Variants in GPC5 observed in about 807,000 individuals in gnomAD.
The protein encoded by GPC5 is glypican 5.
In GPC5, 47 loss-of-function variants were observed where a neutral mutation model predicts 53.9. That is an observed-to-expected ratio of 0.87 (90% CI 0.69 to 1.11). The LOEUF is 1.11. Ranked by LOEUF, GPC5 falls within the 50% of genes most tolerant of loss-of-function variation. The pLI is 0.00. For missense variants in GPC5, 748 were observed against 713.1 expected, an observed-to-expected ratio of 1.05 and a Z score of -0.56; for synonymous variants, 286 against 263.3, an observed-to-expected ratio of 1.09 and a Z score of -0.84.
chr13:91,904,490 TTGG>T (rs1177031032), intron 5 of GPC5, among the ~76,000 whole-genome samples: 1 of 152,086 alleles, frequency 6.6e-6, no homozygotes, highest in Non-Finnish European at 1.5e-5. Context: ...TTGATACTTA[TTGG>T]TGGTTGTATT....
chr13:92,125,071 C>T (rs528736615), intron 6 of GPC5, among the ~76,000 whole-genome samples: 3 of 152,294 alleles, frequency 2.0e-5, no homozygotes, highest in African/African-American at 7.2e-5. Flanking sequence ...CTTGCCCTCT[C>T]GCTTGCTTGC....
intron 2 of GPC5, among the ~76,000 whole-genome samples, chr13:91,585,753 G>A (rs1303281937): frequency 6.6e-6 from 1 of 152,114 alleles, no homozygotes; most frequent in African/African-American, 2.4e-5. Flanking sequence ...TTAAAAATTA[G>A]AATATGCACA....
intron 7 of GPC5, among the ~76,000 whole-genome samples, chr13:92,496,465 A>G (rs749743618): frequency 7.2e-5 from 11 of 152,174 alleles, no homozygotes; most frequent in Non-Finnish European, 1.2e-4. Context: ...TGCAAGGTAA[A>G]TCAGGACCTA....
chr13:91,680,368 G>T (rs902625221), intron 2 of GPC5, among the ~76,000 whole-genome samples: 3 of 152,206 alleles, frequency 2.0e-5, no homozygotes, highest in Non-Finnish European at 2.9e-5. Flanking sequence ...AGAATCACTT[G>T]AACCAGGGAG....
At chr13:91,652,581 C>T (rs1019801077) in intron 2 of GPC5, among the ~76,000 whole-genome samples, 1 of 152,110 alleles carries the variant, frequency 6.6e-6, no homozygotes, top group Non-Finnish European at 1.5e-5. Flanking sequence ...ATATACAGCA[C>T]AAAGGGATGA....
At chr13:91,988,056 G>GAATACTATATATAGTATTCTTCAT (rs2040425065) in intron 6 of GPC5, among the ~76,000 whole-genome samples, 1 of 145,934 alleles carries the variant, frequency 6.9e-6, no homozygotes, top group African/African-American at 2.5e-5. Context: ...TATATATGAG[G>GAATACTATATATAGTATTCTTCAT]AATACTATAT....
intron 7 of GPC5, among the ~76,000 whole-genome samples, chr13:92,393,086 A>C (rs915281113): frequency 3.9e-5 from 6 of 152,222 alleles, no homozygotes; most frequent in African/African-American, 1.4e-4. Context: ...TCCATCATAA[A>C]GACACATGCA....
intron 7 of GPC5, among the ~76,000 whole-genome samples, chr13:92,731,801 A>G (rs996650160): frequency 9.2e-5 from 14 of 151,548 alleles, no homozygotes; most frequent in African/African-American, 3.1e-4. Flanking sequence ...GAGTTGTAAA[A>G]TAATATTAGA....
intron 7 of GPC5, among the ~76,000 whole-genome samples, chr13:92,649,329 C>T (rs1037589446): frequency 1.3e-5 from 2 of 151,944 alleles, no homozygotes; most frequent in African/African-American, 4.8e-5. Flanking sequence ...TGATTCTTGC[C>T]AATAATAAAT....
In GPC5 at chr13:92,802,927, T is replaced by C. The variant is rs1415018768; in HGVS notation, c.1562-63355T>C. ...AATGAATGCAGTTCAAAAGCTTTCA[T>C]GTCCACGTGACAAATGGCATGCAGC... On this transcript the variant is annotated intron_variant, in intron 7 of 7. Coordinates refer to ENST00000377067, the MANE Select transcript of GPC5 (RefSeq NM_004466.6). Among the ~76,000 whole-genome samples, 3 of 151,994 alleles carry C rather than the reference T, an allele frequency of 2.0e-5. No homozygotes were observed. In the South Asian group the frequency reaches 6.2e-4, roughly 31 times the overall value.
At chr13:92,157,993 G>A (rs1454186462) in intron 7 of GPC5, among the ~76,000 whole-genome samples, 1 of 152,028 alleles carries the variant, frequency 6.6e-6, no homozygotes, top group Non-Finnish European at 1.5e-5. Context: ...AGAAATATGA[G>A]GAATAAAGAA....
intron 6 of GPC5, among the ~76,000 whole-genome samples, chr13:92,088,410 G>A (rs1216522852): frequency 1.3e-5 from 2 of 152,150 alleles, no homozygotes; most frequent in South Asian, 2.1e-4. Flanking sequence ...CTGAAAAGAA[G>A]TCCTGGACCA....
intron 7 of GPC5, among the ~76,000 whole-genome samples, chr13:92,267,035 G>T (rs1452800983): frequency 6.6e-6 from 1 of 151,906 alleles, no homozygotes; most frequent in African/African-American, 2.4e-5. Context: ...TGCTAAAATT[G>T]AGTCTTTTAT....
Position 91,450,499 on chromosome 13 carries a change from A to G in GPC5, c.325+1577A>G, listed in dbSNP as rs1445133074. ...CTTGGATATGTGATCAAGATAGAGC[A>G]CATTACGTTCAAAGGGTTAGGAAAC... On this transcript the variant is annotated intron_variant, in intron 2 of 7. Transcript: ENST00000377067. Among the ~76,000 whole-genome samples the G allele has an allele frequency of 2.6e-5, 4 of 152,176 alleles. No individual in the cohort carries two copies. In the South Asian group the frequency reaches 8.3e-4, roughly 31 times the overall value.
At chr13:91,917,160 G>A (rs778687757) in intron 6 of GPC5, among the ~76,000 whole-genome samples, 21 of 152,142 alleles carry the variant, frequency 1.4e-4, no homozygotes, top group Admixed American at 1.1e-3. Context: ...GATACAATGG[G>A]GGTACAGGCA....
At chr13:92,118,080 G>A (rs1037554825) in intron 6 of GPC5, among the ~76,000 whole-genome samples, 1 of 151,838 alleles carries the variant, frequency 6.6e-6, no homozygotes, top group Non-Finnish European at 1.5e-5. Context: ...GGCAGTTTTG[G>A]TTTTTTTGTT....
intron 7 of GPC5, among the ~76,000 whole-genome samples, chr13:92,539,205 C>T (rs1226151092): frequency 6.6e-6 from 1 of 151,322 alleles, no homozygotes; most frequent in Non-Finnish European, 1.5e-5. Flanking sequence ...GATCTCTGGT[C>T]AAATGGTATA....
chr13:92,052,284 T>A (rs2041036053), intron 6 of GPC5, among the ~76,000 whole-genome samples: 1 of 152,204 alleles, frequency 6.6e-6, no homozygotes, highest in Admixed American at 6.5e-5. Context: ...TTCTGGTGGG[T>A]TCTTGGTCTC....
At chr13:92,097,005 A>G (rs2041427362) in intron 6 of GPC5, among the ~76,000 whole-genome samples, 1 of 152,202 alleles carries the variant, frequency 6.6e-6, no homozygotes, top group Non-Finnish European at 1.5e-5. Context: ...AGGAAGTGAG[A>G]AGCATGATAG....
Sources: gnomAD v4.1 joint callset for allele counts (sites outside exome capture counted in the v4.1 genomes callset) on GRCh38, gnomAD v4.1.1 for gene constraint, MANE v1.5 for transcripts, NCBI Gene and HGNC (gene_info 2026-07-23, HGNC 2026-07-21) for gene names.